The following TBC1D10A variants were observed in gnomAD, a reference collection of about 807,000 sequenced individuals.
TBC1D10A encodes TBC1 domain family member 10A.
In TBC1D10A, 24 loss-of-function variants were observed where a neutral mutation model predicts 52.9. That is an observed-to-expected ratio of 0.45 (90% CI 0.33 to 0.64). TBC1D10A has a LOEUF of 0.64. Among genes scored for constraint, TBC1D10A ranks in the 30% least tolerant of loss-of-function variants. The pLI is 0.02. For synonymous variants in TBC1D10A, 278 were observed against 282.9 expected (o/e 0.98, Z 0.17); for missense variants, 602 against 687.9 (o/e 0.88, Z 1.40).
Position 30,294,864 on chromosome 22 carries a change from G to A in TBC1D10A, c.640-3C>T, listed in dbSNP as rs554631197. On this transcript the variant is annotated splice_region_variant and splice_polypyrimidine_tract_variant and intron_variant, in intron 5 of 8. Coordinates refer to ENST00000215790, the MANE Select transcript of TBC1D10A (RefSeq NM_031937.3). ...TGTACCAGGCACCAGAAGGCTTGCT[G>A]TGGGCAAGAGAGATGTGAGGCCTTG... The A allele has an allele frequency of 2.5e-6, 4 of 1,614,146 alleles. No individual in the cohort carries two copies. Among genetic ancestry groups the A allele is most frequent in the East Asian group, 2.2e-5 (1 of 44,894 alleles).
At position 30,304,648 on chromosome 22, in the gene TBC1D10A, G is replaced by A; in HGVS notation, c.210-18C>T. On this transcript the variant is annotated intron_variant, in intron 1 of 8. Transcript: ENST00000215790. The stretch of plus-strand genomic sequence containing the variant: ...CCTCCAGCCTGTGGAGCAGAGGGCA[G>A]GGCCTGTGAGAGGTGCCAAGGGAAG... 3 of 1,612,224 alleles carry A rather than the reference G, an allele frequency of 1.9e-6. No individual in the cohort carries two copies. Among genetic ancestry groups the A allele is most frequent in the Non-Finnish European group, 2.5e-6 (3 of 1,179,164 alleles).
At chr22:30,326,159 G>T (rs1345739465) in intron 1 of TBC1D10A, among the ~76,000 whole-genome samples, 1 of 150,846 alleles carries the variant, frequency 6.6e-6, no homozygotes, top group African/African-American at 2.4e-5. Context: ...AGGGGTGGGG[G>T]CGGGGCAGTC....
At position 30,326,792 on chromosome 22, in the gene TBC1D10A, G is replaced by C; in HGVS notation, c.90C>G (p.Pro30=). The stretch of plus-strand genomic sequence containing the variant: ...TGAGTTCGTCGGTGGTTGCGGCGTC[G>C]GGGCCCTGGGCCAGGCTCTCCCGGG... ...SGTRESLAQG[P]DAATTDELSS... Residue 30 remains proline, a synonymous_variant, in exon 1 of 9, where the codon CCC becomes CCG. Coordinates refer to ENST00000215790, the MANE Select transcript of TBC1D10A (RefSeq NM_031937.3). 6.7e-7 allele frequency: 1 copy of C among 1,498,032 alleles called. No individual in the cohort carries two copies. The highest frequency in any genetic ancestry group is 8.9e-7 in the Non-Finnish European group (1 of 1,122,916). The allele number at this position is 1,498,032 out of a possible 1,614,324, so 92.8% of individuals were successfully genotyped here.
intron 1 of TBC1D10A, among the ~76,000 whole-genome samples, chr22:30,319,705 C>A (rs1374383932): frequency 6.6e-6 from 1 of 152,130 alleles, no homozygotes; most frequent in Non-Finnish European, 1.5e-5. Flanking sequence ...GTATCAGGAG[C>A]ATTGACTTGC....
At chr22:30,304,700 G>A (rs755854035) in intron 1 of TBC1D10A, 70 bp from the exon 2 acceptor site, 27 of 1,575,188 alleles carry the variant, frequency 1.7e-5, no homozygotes, top group Middle Eastern at 1.7e-4. Context: ...ATTCCCAGCC[G>A]CCAGCCTGGT....
At chr22:30,315,886 A>T (rs899610196) in intron 1 of TBC1D10A, among the ~76,000 whole-genome samples, 1 of 152,194 alleles carries the variant, frequency 6.6e-6, no homozygotes, top group Admixed American at 6.5e-5. Flanking sequence ...GCTGGGCTGA[A>T]GTCCTAAGAC....
chr22:30,311,153 GGT>G (rs1267031565), intron 1 of TBC1D10A, among the ~76,000 whole-genome samples: 1 of 152,152 alleles, frequency 6.6e-6, no homozygotes, highest in African/African-American at 2.4e-5. Context: ...CCTAAGAGGT[GGT>G]AATGAATGAA....
chr22:30,318,887 G>C (rs765040511), intron 1 of TBC1D10A: 4 of 359,218 alleles, frequency 1.1e-5, no homozygotes, highest in African/African-American at 2.1e-5. Context: ...TGACATTCAA[G>C]GCTGGACTCA....
intron 1 of TBC1D10A, among the ~76,000 whole-genome samples, chr22:30,325,193 C>T (rs549319393): frequency 6.6e-6 from 1 of 152,264 alleles, no homozygotes; most frequent in African/African-American, 2.4e-5. Context: ...TGGACTAAAC[C>T]TAGCCTGCTG....
intron 1 of TBC1D10A, among the ~76,000 whole-genome samples, chr22:30,323,760 G>A (rs1930707333): frequency 6.6e-6 from 1 of 152,122 alleles, no homozygotes; most frequent in Non-Finnish European, 1.5e-5. Flanking sequence ...GAGGTCAGGA[G>A]TTCAAGACCA....
intron 2 of TBC1D10A, 32 bp downstream of exon 2, chr22:30,304,499 C>A (rs766739353): frequency 1.4e-5 from 22 of 1,613,714 alleles, no homozygotes; most frequent in Middle Eastern, 1.7e-4. Flanking sequence ...GCTGCCAACT[C>A]CCAGCCCAAT....
intron 1 of TBC1D10A, among the ~76,000 whole-genome samples, chr22:30,308,304 CTGCCTGCCTGCATGCCTGCA>C (rs1569162192): frequency 1.2e-4 from 17 of 139,418 alleles, no homozygotes; most frequent in African/African-American, 4.5e-4. Context: ...GCCTGCATGC[CTGCCTGCCTGCATGCCTGCA>C]TGCCTGCATG....
chr22:30,300,418 C>T (rs1027871461), intron 2 of TBC1D10A: 5 of 148,714 alleles, frequency 3.4e-5, no homozygotes, highest in African/African-American at 5.0e-5. Context: ...CACTGCACTC[C>T]AGCCGGGGCG....
chr22:30,322,763 T>C (rs1430962676), intron 1 of TBC1D10A, among the ~76,000 whole-genome samples: 1 of 151,198 alleles, frequency 6.6e-6, no homozygotes, highest in Admixed American at 6.6e-5. Context: ...ACCCAACTAA[T>C]TTTTGTATTT....
chr22:30,293,904 C>A lies in TBC1D10A; in HGVS notation c.895+17G>T, dbSNP rs778194540. 5.2e-5 allele frequency: 83 copies of A among 1,608,100 alleles called. No individual in the cohort carries two copies. In the East Asian group the frequency reaches 6.9e-4, roughly 13 times the overall value. Reference sequence around the variant, plus strand: ...CTGCTGGGGACAGGGGTGCTCCCCCCAAGCCCAGCCCAGTACCTTCACAGA... The same window carrying A: ...CTGCTGGGGACAGGGGTGCTCCCCCAAAGCCCAGCCCAGTACCTTCACAGA... On this transcript the variant is annotated intron_variant, in intron 7 of 8. Coordinates refer to ENST00000215790, the MANE Select transcript of TBC1D10A (RefSeq NM_031937.3).
intron 1 of TBC1D10A, among the ~76,000 whole-genome samples, chr22:30,311,421 G>A (rs1475457564): frequency 3.3e-5 from 5 of 152,302 alleles, no homozygotes; most frequent in East Asian, 3.9e-4. Context: ...CCTAGGAGCC[G>A]GCTGGCAGTG....
At chr22:30,321,204 C>T (rs1930645266) in intron 1 of TBC1D10A, among the ~76,000 whole-genome samples, 1 of 152,212 alleles carries the variant, frequency 6.6e-6, no homozygotes, top group African/African-American at 2.4e-5. Context: ...GGCCACCAAA[C>T]CGGATATTCC....
intron 8 of TBC1D10A, 59 bp from the exon 9 acceptor site, chr22:30,292,910 C>A: frequency 6.3e-7 from 1 of 1,575,146 alleles, no homozygotes. Context: ...CCCCTTCTGC[C>A]TCCCAGCCTG....
At chr22:30,322,246 G>A (rs1288796469) in intron 1 of TBC1D10A, among the ~76,000 whole-genome samples, 1 of 152,048 alleles carries the variant, frequency 6.6e-6, no homozygotes, top group Non-Finnish European at 1.5e-5. Context: ...CTCCTAAAGT[G>A]CTGGGATTAC....
Sources: allele counts gnomAD v4.1 joint callset (sites outside exome capture counted in the v4.1 genomes callset), GRCh38; gene constraint gnomAD v4.1.1; transcripts MANE v1.5; gene names NCBI Gene and HGNC (gene_info 2026-07-23, HGNC 2026-07-21).